Variants in KRAS observed in about 807,000 individuals in gnomAD.
KRAS encodes the protein KRas proto-oncogene, GTPase, also known as GTPase KRas.
A neutral mutation model predicts 21.0 loss-of-function variants in KRAS; 1 was observed. That is an observed-to-expected ratio of 0.05 (90% CI 0.02 to 0.23). KRAS has a LOEUF of 0.23. KRAS is among the 10% of genes least tolerant of loss of function. The probability of loss-of-function intolerance (pLI) is 1.00; values close to 1 mark genes in which losing one functional copy is unlikely to be tolerated. For synonymous variants in KRAS, 67 were observed against 72.5 expected, an observed-to-expected ratio of 0.92 and a Z score of 0.39; for missense variants, 107 against 221.8, an observed-to-expected ratio of 0.48 and a Z score of 3.29.
At chr12:25,228,716 GT>G (rs1951425887) in intron 2 of KRAS, among the ~76,000 whole-genome samples, 1 of 152,112 alleles carries the variant, frequency 6.6e-6, no homozygotes, top group African/African-American at 2.4e-5. Flanking sequence ...CATGGTGATG[GT>G]TGCACAACAT....
At chr12:25,213,779 T>C (rs1297723690) in intron 4 of KRAS, among the ~76,000 whole-genome samples, 1 of 152,198 alleles carries the variant, frequency 6.6e-6, no homozygotes, top group Non-Finnish European at 1.5e-5. Flanking sequence ...TTACAAACAA[T>C]ATGCATCCAA....
intron 2 of KRAS, chr12:25,234,505 TTTA>T: frequency 5.4e-6 from 1 of 183,490 alleles, no homozygotes. Context: ...GCTACACATT[TTTA>T]TTGTTTTCAT....
chr12:25,215,130 C>G (rs1951239844), intron 4 of KRAS: 1 of 243,914 alleles, frequency 4.1e-6, no homozygotes, highest in Non-Finnish European at 6.1e-6. Flanking sequence ...CTGATTATCT[C>G]AAAACTTTTC....
chr12:25,246,758 T>A (rs1951687592), intron 1 of KRAS, among the ~76,000 whole-genome samples: 1 of 149,886 alleles, frequency 6.7e-6, no homozygotes, highest in Non-Finnish European at 1.5e-5. Context: ...CTACTAAAAA[T>A]ATAAAAAAAT....
intron 2 of KRAS, among the ~76,000 whole-genome samples, chr12:25,238,586 A>C (rs1291566411): frequency 1.3e-5 from 2 of 152,126 alleles, no homozygotes; most frequent in Non-Finnish European, 1.5e-5. Flanking sequence ...CCCCCAGCCC[A>C]ATGGTATAAG....
intron 2 of KRAS, among the ~76,000 whole-genome samples, chr12:25,237,448 G>A (rs1309926711): frequency 3.3e-5 from 5 of 152,126 alleles, no homozygotes; most frequent in Non-Finnish European, 5.9e-5. Flanking sequence ...AGGGGAGGGC[G>A]AAGGAAAAGA....
In KRAS at chr12:25,209,262, G is replaced by A. The variant is rs769015543; in HGVS notation, c.*533C>T. ...AGTGGAAAGGAGACAAAACCTTTGT[G>A]AACAGTGTAACTTTACATTCATCAG... On this transcript the variant is annotated 3_prime_UTR_variant, in exon 5 of 5. Coordinates refer to ENST00000311936, the MANE Select transcript of KRAS (RefSeq NM_004985.5). 7.4e-6 allele frequency: 5 copies of A among 679,614 alleles called. No individual in the cohort carries two copies. The highest frequency in any genetic ancestry group is 4.1e-5 in the Admixed American group (2 of 48,798). 42.1% of individuals were successfully genotyped at this position (679,614 alleles called of 1,614,324 possible).
At chr12:25,211,640 G>A (rs919973966) in intron 4 of KRAS, among the ~76,000 whole-genome samples, 17 of 152,032 alleles carry the variant, frequency 1.1e-4, no homozygotes, top group Admixed American at 2.0e-4. Flanking sequence ...TAAGATTAAC[G>A]ATATTTCAAA....
At chr12:25,222,078 G>C (rs1951333233) in intron 4 of KRAS, among the ~76,000 whole-genome samples, 1 of 151,518 alleles carries the variant, frequency 6.6e-6, no homozygotes, top group East Asian at 1.9e-4. Flanking sequence ...GAACCCGGGA[G>C]GCGGAGCCTG....
chr12:25,250,065 T>TG (rs1046139741), intron 1 of KRAS, among the ~76,000 whole-genome samples: 1 of 152,072 alleles, frequency 6.6e-6, no homozygotes, highest in African/African-American at 2.4e-5. Context: ...AGCCCATACA[T>TG]GGGGGAGGGG....
chr12:25,243,942 G>C (rs1179339850), intron 2 of KRAS, among the ~76,000 whole-genome samples: 1 of 152,140 alleles, frequency 6.6e-6, no homozygotes, highest in African/African-American at 2.4e-5. Flanking sequence ...CTTAAAATTG[G>C]AAGCCAAATA....
At chr12:25,242,271 A>T (rs1951619130) in intron 2 of KRAS, among the ~76,000 whole-genome samples, 1 of 152,206 alleles carries the variant, frequency 6.6e-6, no homozygotes. Flanking sequence ...TCTTACTAGC[A>T]TATTATATAC....
chr12:25,206,974 G>A lies in KRAS; in HGVS notation c.*2821C>T, dbSNP rs2141478077. The A allele has an allele frequency of 4.9e-6, 1 of 205,470 alleles. No individual in the cohort carries two copies. The highest frequency in any genetic ancestry group is 5.9e-5 in the Admixed American group (1 of 16,830). 12.7% of individuals were successfully genotyped at this position (205,470 alleles called of 1,614,324 possible). A position where few individuals can be genotyped will look rare whatever the true frequency, so the allele number is the denominator to read the frequency against. On this transcript the variant is annotated 3_prime_UTR_variant, in exon 5 of 5. Coordinates refer to ENST00000311936, the MANE Select transcript of KRAS (RefSeq NM_004985.5). ...AAGTTTATTCCTTTAAAACAATGAA[G>A]TGATTTACATAAAGTAGCTTGATCG...
At position 25,205,764 on chromosome 12, in the gene KRAS, A is replaced by G; in HGVS notation, c.*4031T>C. 4.6e-6 allele frequency: 1 copy of G among 219,434 alleles called. No homozygotes were observed. Among genetic ancestry groups the G allele is most frequent in the Non-Finnish European group, 9.1e-6 (1 of 109,430 alleles). 13.6% of individuals were successfully genotyped at this position (219,434 alleles called of 1,614,324 possible). A position where few individuals can be genotyped will look rare whatever the true frequency, so the allele number is the denominator to read the frequency against. On this transcript the variant is annotated 3_prime_UTR_variant, in exon 5 of 5. Coordinates refer to ENST00000311936, the MANE Select transcript of KRAS (RefSeq NM_004985.5). ...CCTAAATTCATCTAAATTACCTATCATTATCCCAAACAGGCACTTCAAACT... is the reference window on the plus strand; with the variant it reads ...CCTAAATTCATCTAAATTACCTATCGTTATCCCAAACAGGCACTTCAAACT...
chr12:25,210,325 T>G (rs1354834846), intron 4 of KRAS, among the ~76,000 whole-genome samples: 6 of 152,148 alleles, frequency 3.9e-5, no homozygotes. Flanking sequence ...TAAACTATGT[T>G]CATATATCTT....
chr12:25,243,956 T>C (rs1049437674), intron 2 of KRAS, among the ~76,000 whole-genome samples: 2 of 152,222 alleles, frequency 1.3e-5, no homozygotes, highest in African/African-American at 2.4e-5. Context: ...CCAAATAAAG[T>C]TGTTTCTATG....
At chr12:25,228,914 C>T (rs981581761) in intron 2 of KRAS, among the ~76,000 whole-genome samples, 1 of 152,176 alleles carries the variant, frequency 6.6e-6, no homozygotes, top group East Asian at 1.9e-4. Context: ...AAAATATTAG[C>T]CGGGCGTGGT....
chr12:25,215,162 T>C lies in KRAS; in HGVS notation c.451-5251A>G, dbSNP rs373759361. On this transcript the variant is annotated intron_variant, in intron 4 of 4. Transcript: ENST00000311936. The stretch of plus-strand genomic sequence containing the variant: ...TTTCCCTTAAAAATAAAGGTAAATA[T>C]CAGTTTCCAAATATTTAGTTTACTT... The C allele has an allele frequency of 1.4e-4, 65 of 479,262 alleles. No individual in the cohort carries two copies. In the South Asian group the frequency reaches 5.7e-3, roughly 42 times the overall value. The allele number at this position is 479,262 out of a possible 1,614,324, so 29.7% of individuals were successfully genotyped here. A position where few individuals can be genotyped will look rare whatever the true frequency, so the allele number is the denominator to read the frequency against.
intron 4 of KRAS, among the ~76,000 whole-genome samples, chr12:25,214,108 G>T (rs568819166): frequency 6.6e-6 from 1 of 152,206 alleles, no homozygotes; most frequent in African/African-American, 2.4e-5. Flanking sequence ...TAGTCTAAGG[G>T]TTTAAAGAAA....
Sources: gnomAD v4.1 joint callset for allele counts (sites outside exome capture counted in the v4.1 genomes callset) on GRCh38, gnomAD v4.1.1 for gene constraint, MANE v1.5 for transcripts, NCBI Gene and HGNC (gene_info 2026-07-23, HGNC 2026-07-21) for gene names.